The following TG variants were observed in gnomAD, a reference collection of about 807,000 sequenced individuals.
The protein encoded by TG is thyroid hormones.
A neutral mutation model predicts 324.7 loss-of-function variants in TG; 270 were observed. That is an observed-to-expected ratio of 0.83 (90% CI 0.75 to 0.92). TG has a LOEUF of 0.92. TG is among the 40% of genes least tolerant of loss of function. The pLI, the probability that TG is intolerant of heterozygous loss-of-function variation, is 0.00. For missense variants in TG, 3,591 were observed against 3,456.4 expected, an observed-to-expected ratio of 1.04 and a Z score of -0.98; for synonymous variants, 1,401 against 1,327.0, an observed-to-expected ratio of 1.06 and a Z score of -1.21.
At chr8:132,871,687 A>T in intron 4 of TG, 136 bp downstream of exon 4, 1 of 792,472 alleles carries the variant, frequency 1.3e-6, no homozygotes, top group South Asian at 1.9e-5. Flanking sequence ...TGAAAGCTTC[A>T]AAGGGAAGGT....
intron 8 of TG, among the ~76,000 whole-genome samples, chr8:132,885,097 G>C (rs1248037013): frequency 6.7e-6 from 1 of 148,856 alleles, no homozygotes; most frequent in Admixed American, 6.8e-5. Context: ...TGGCATTTAT[G>C]TGAATCAAGA....
At chr8:132,892,242 A>C (rs1233063782) in intron 10 of TG, among the ~76,000 whole-genome samples, 2 of 152,124 alleles carry the variant, frequency 1.3e-5, no homozygotes, top group Admixed American at 6.5e-5. Flanking sequence ...CCATCTATCC[A>C]TGCATCCATC....
chr8:133,067,515 C>G (rs1344560744), intron 41 of TG, among the ~76,000 whole-genome samples: 4 of 152,144 alleles, frequency 2.6e-5, no homozygotes, highest in African/African-American at 9.7e-5. Context: ...ATTTCAAACA[C>G]CTGGAATCCC....
rs2272706 is a variant in TG, at chr8:133,094,979, A to G, written c.7240-65A>G. On this transcript the variant is annotated intron_variant, in intron 41 of 47. Coordinates refer to ENST00000220616, the MANE Select transcript of TG (RefSeq NM_003235.5). The stretch of plus-strand genomic sequence containing the variant: ...GCAGAACCCTGATGTGGCACTGAGG[A>G]CTCCAGGTGAGCAGGGGCTGAAGAT... 1,159,047 of 1,608,604 alleles carry G rather than the reference A, an allele frequency of 0.72. 422,740 individuals are homozygous for G. The highest frequency in any genetic ancestry group is 0.81 in the African/African-American group (60,543 of 74,844).
At chr8:133,047,047 A>T (rs2131175284) in intron 41 of TG, 1 of 152,326 alleles carries the variant, frequency 6.6e-6, no homozygotes, top group East Asian at 1.9e-4. Context: ...CTAGCTGTTA[A>T]GTATTTGGGG....
At chr8:133,055,827 G>C (rs1489317183) in intron 41 of TG, among the ~76,000 whole-genome samples, 3 of 10,848 alleles carry the variant, frequency 2.8e-4, no homozygotes, top group Admixed American at 9.7e-4. Flanking sequence ...CTCATCACCA[G>C]CAGCAGCAGC....
chr8:132,901,146 T>A (rs963678302), intron 15 of TG, among the ~76,000 whole-genome samples: 2 of 151,790 alleles, frequency 1.3e-5, no homozygotes, highest in Non-Finnish European at 2.9e-5. Flanking sequence ...GGGCAGGCAG[T>A]GGAGGGGAGA....
At chr8:132,883,416 GA>G (rs764833832) in intron 8 of TG, among the ~76,000 whole-genome samples, 34 of 152,240 alleles carry the variant, frequency 2.2e-4, no homozygotes, top group Admixed American at 1.1e-3. Context: ...GATGTTTCCT[GA>G]AGGAGAGGAG....
At chr8:132,978,446 A>G (rs73357207) in intron 34 of TG, among the ~76,000 whole-genome samples, 3,523 of 152,188 alleles carry the variant, frequency 0.023, 135 homozygotes, top group African/African-American at 0.08. Flanking sequence ...AAACCATGTC[A>G]CAGACACTAC....
chr8:132,897,777 G>A lies in TG; in HGVS notation c.3130G>A (p.Ala1044Thr), dbSNP rs139852375. The change falls in exon 12 of 48, where the codon GCT (alanine) becomes ACT (threonine). Residue 1044 changes from alanine (A) to threonine (T), a missense_variant. By Grantham distance (58) the Ala-to-Thr change is moderately conservative. Transcript: ENST00000220616. ...FGSWEPVQCHAGTGHCWCVDE... is the reference protein window; with the variant it reads ...FGSWEPVQCHTGTGHCWCVDE... ...AAGTTGGGAGCCTGTGCAGTGCCACGCTGGGACTGGTAAGGAGGGATAGGC... is the reference window on the plus strand; with the variant it reads ...AAGTTGGGAGCCTGTGCAGTGCCACACTGGGACTGGTAAGGAGGGATAGGC... 21 of 1,614,074 alleles carry A rather than the reference G, an allele frequency of 1.3e-5. No homozygotes were observed. The highest frequency in any genetic ancestry group is 1.6e-5 in the Non-Finnish European group (19 of 1,180,036).
intron 41 of TG, among the ~76,000 whole-genome samples, chr8:133,069,219 C>T (rs531309055): frequency 6.6e-6 from 1 of 152,372 alleles, no homozygotes; most frequent in Non-Finnish European, 1.5e-5. Context: ...TTCTTTATTG[C>T]ATCGTATTTC....
chr8:132,974,005 T>C (rs1829873682), intron 34 of TG, among the ~76,000 whole-genome samples: 1 of 149,754 alleles, frequency 6.7e-6, no homozygotes, highest in Non-Finnish European at 1.5e-5. Flanking sequence ...TTTTTTTTTT[T>C]TTTTTGAGGC....
At chr8:133,118,436 C>T (rs142259411) in intron 45 of TG, among the ~76,000 whole-genome samples, 38 of 151,746 alleles carry the variant, frequency 2.5e-4, no homozygotes, top group Non-Finnish European at 4.3e-4. Context: ...GCAATTCTCC[C>T]GCCTCAGCCT....
chr8:132,898,555 C>T (rs764292845), intron 13 of TG, among the ~76,000 whole-genome samples: 1 of 152,176 alleles, frequency 6.6e-6, no homozygotes, highest in Non-Finnish European at 1.5e-5. Context: ...GCAACCGCCT[C>T]GCCTCTGAAC....
chr8:132,995,597 C>T, intron 35 of TG: 1 of 884,248 alleles, frequency 1.1e-6, no homozygotes, highest in Non-Finnish European at 1.4e-6. Context: ...GCATGTGACC[C>T]CATGAAAGAG....
chr8:133,058,837 C>T (rs1007673465), intron 41 of TG, among the ~76,000 whole-genome samples: 3 of 152,178 alleles, frequency 2.0e-5, no homozygotes, highest in African/African-American at 7.2e-5. Flanking sequence ...TTTTGTTTAT[C>T]CCTCTTGCAT....
intron 27 of TG, among the ~76,000 whole-genome samples, chr8:132,958,874 T>C (rs1827348796): frequency 6.6e-6 from 1 of 152,138 alleles, no homozygotes; most frequent in South Asian, 2.1e-4. Context: ...GTTGTTGCAG[T>C]AGGAGTATAT....
At chr8:133,039,773 G>A (rs1368820671) in intron 41 of TG, among the ~76,000 whole-genome samples, 1 of 152,184 alleles carries the variant, frequency 6.6e-6, no homozygotes, top group African/African-American at 2.4e-5. Flanking sequence ...AGAAACAGGG[G>A]GAGCTGCCAC....
chr8:132,887,481 C>G lies in TG; in HGVS notation c.2109C>G (p.Cys703Trp). The change falls in exon 9 of 48, where the codon TGC becomes TGG. Residue 703 changes from cysteine (C) to tryptophan (W), a missense_variant. Cys to Trp is a radical substitution (Grantham distance 215). Coordinates refer to ENST00000220616, the MANE Select transcript of TG (RefSeq NM_003235.5). Reference sequence around the variant, plus strand: ...CTGTCCAGTGCTTCAACTCAGAGTGCTACTGTGTTGATGCTGAGGGTCAGG... The same window carrying G: ...CTGTCCAGTGCTTCAACTCAGAGTGGTACTGTGTTGATGCTGAGGGTCAGG... ...FLPVQCFNSE[C>W]YCVDAEGQAI... 1.2e-6 allele frequency: 2 copies of G among 1,614,186 alleles called. No homozygotes were observed. Among genetic ancestry groups the G allele is most frequent in the Non-Finnish European group, 8.5e-7 (1 of 1,180,034 alleles).
Sources: allele counts gnomAD v4.1 joint callset (sites outside exome capture counted in the v4.1 genomes callset), GRCh38; gene constraint gnomAD v4.1.1; transcripts MANE v1.5; gene names NCBI Gene and HGNC (gene_info 2026-07-23, HGNC 2026-07-21).